Variants in GRIP1 observed in about 807,000 individuals in gnomAD.
The protein encoded by GRIP1 is glutamate receptor-interacting protein 1.
GRIP1 carries 45 observed loss-of-function variants against 129.9 expected under a neutral mutation model. The ratio of observed to expected loss-of-function variants is 0.35; its 90% CI spans 0.27 to 0.44. The LOEUF (loss-of-function observed/expected upper bound fraction) is 0.44. Ranked by LOEUF, GRIP1 falls within the 20% of genes least tolerant of loss-of-function variation. The pLI, the probability that GRIP1 is intolerant of heterozygous loss-of-function variation, is 1.00. For synonymous variants in GRIP1, 530 were observed against 520.8 expected, an observed-to-expected ratio of 1.02 and a Z score of -0.24; for missense variants, 1,196 against 1,396.8, an observed-to-expected ratio of 0.86 and a Z score of 2.29.
chr12:66,664,809 T>C (rs1207028504), intron 1 of GRIP1, among the ~76,000 whole-genome samples: 3 of 152,174 alleles, frequency 2.0e-5, no homozygotes, highest in Non-Finnish European at 4.4e-5. Flanking sequence ...AATGTTAATA[T>C]TACTTTTAAT....
intron 1 of GRIP1, among the ~76,000 whole-genome samples, chr12:66,623,246 C>G (rs1055873500): frequency 6.6e-6 from 1 of 152,138 alleles, no homozygotes; most frequent in Non-Finnish European, 1.5e-5. Flanking sequence ...CTTCAATGAA[C>G]TTTATTTCAT....
At chr12:66,351,866 G>A (rs545868881) in intron 24 of GRIP1, among the ~76,000 whole-genome samples, 23 of 152,238 alleles carry the variant, frequency 1.5e-4, no homozygotes, top group Admixed American at 1.4e-3. Flanking sequence ...TAGAGTCGCT[G>A]GTTTAATTGG....
intron 1 of GRIP1, among the ~76,000 whole-genome samples, chr12:66,986,426 C>T (rs1390895960): frequency 2.0e-5 from 3 of 150,446 alleles, no homozygotes; most frequent in Non-Finnish European, 3.0e-5. Context: ...TTGGAACCAA[C>T]CCAAATGTCC....
At chr12:66,907,622 T>C (rs1264859488) in intron 1 of GRIP1, among the ~76,000 whole-genome samples, 2 of 152,032 alleles carry the variant, frequency 1.3e-5, no homozygotes, top group African/African-American at 4.8e-5. Context: ...GGGGTCAGCA[T>C]TCCAAAGACA....
intron 2 of GRIP1, among the ~76,000 whole-genome samples, chr12:66,588,797 C>A (rs904478011): frequency 6.6e-6 from 1 of 151,652 alleles, no homozygotes. Context: ...AATGAAACCC[C>A]ATCTCTACTA....
intron 2 of GRIP1, among the ~76,000 whole-genome samples, chr12:66,566,696 T>C (rs866717837): frequency 9.8e-5 from 15 of 152,306 alleles, no homozygotes; most frequent in African/African-American, 3.4e-4. Flanking sequence ...TCAGAAGGAA[T>C]GGTACCAGCT....
intron 7 of GRIP1, among the ~76,000 whole-genome samples, chr12:66,468,679 G>GTTT (rs35563749): frequency 0.02 from 2,999 of 149,226 alleles, 82 homozygotes; most frequent in East Asian, 0.12. Context: ...CCTTAAGTTA[G>GTTT]TTTTTTTTTT....
At chr12:66,852,042 A>C (rs12230393) in intron 1 of GRIP1, among the ~76,000 whole-genome samples, 14,002 of 152,040 alleles carry the variant, frequency 0.092, 710 homozygotes, top group South Asian at 0.18. Flanking sequence ...TGATGGGATA[A>C]AATTTCAATT....
intron 1 of GRIP1, among the ~76,000 whole-genome samples, chr12:66,950,016 T>A (rs887895991): frequency 3.9e-5 from 6 of 152,220 alleles, no homozygotes; most frequent in Non-Finnish European, 8.8e-5. Flanking sequence ...GACCTCGTGA[T>A]CCACCCATTT....
chr12:66,946,268 TCAGTTCTCTC>T (rs2041666715), intron 1 of GRIP1, among the ~76,000 whole-genome samples: 1 of 152,190 alleles, frequency 6.6e-6, no homozygotes, highest in South Asian at 2.1e-4. Flanking sequence ...TTAGGGCAAT[TCAGTTCTCTC>T]CAGGCCTGTC....
chr12:67,047,749 C>T (rs1397132303), intron 1 of GRIP1, among the ~76,000 whole-genome samples: 1 of 151,646 alleles, frequency 6.6e-6, no homozygotes, highest in Non-Finnish European at 1.5e-5. Flanking sequence ...TGTGGAAAAG[C>T]TTTTTCAGTA....
intron 2 of GRIP1, among the ~76,000 whole-genome samples, chr12:66,579,242 C>A (rs2063273808): frequency 6.6e-6 from 1 of 152,118 alleles, no homozygotes; most frequent in South Asian, 2.1e-4. Context: ...AGGACATCCA[C>A]ACCAAAAACC....
chr12:66,738,368 C>T (rs1393621444), intron 1 of GRIP1, among the ~76,000 whole-genome samples: 1 of 151,734 alleles, frequency 6.6e-6, no homozygotes, highest in African/African-American at 2.4e-5. Context: ...CACAGGTACC[C>T]GCCACCACGC....
intron 1 of GRIP1, among the ~76,000 whole-genome samples, chr12:66,915,561 C>T (rs766863099): frequency 1.3e-5 from 2 of 152,168 alleles, no homozygotes; most frequent in Non-Finnish European, 2.9e-5. Flanking sequence ...AGCAGAGTGA[C>T]GGAATCGACA....
At chr12:66,877,194 A>G (rs939216150) in intron 1 of GRIP1, among the ~76,000 whole-genome samples, 1 of 152,074 alleles carries the variant, frequency 6.6e-6, no homozygotes, top group Non-Finnish European at 1.5e-5. Context: ...CCCATTCATG[A>G]TGATTCTACA....
At chr12:66,805,265 T>C (rs576433152), upstream of GRIP1, among the ~76,000 whole-genome samples, 4 of 152,200 alleles carry the variant, frequency 2.6e-5, no homozygotes, top group Non-Finnish European at 5.9e-5. Context: ...TGTTCATCCT[T>C]TATCTCTAAA....
chr12:66,661,869 T>C (rs1244295506), intron 1 of GRIP1, among the ~76,000 whole-genome samples: 1 of 152,156 alleles, frequency 6.6e-6, no homozygotes, highest in African/African-American at 2.4e-5. Flanking sequence ...CCAGAAGTCT[T>C]TGGCACTTAA....
chr12:66,461,134 A>G (rs1045699227), intron 9 of GRIP1, among the ~76,000 whole-genome samples: 1 of 152,246 alleles, frequency 6.6e-6, no homozygotes, highest in South Asian at 2.1e-4. Context: ...TAGTGTATAA[A>G]TTAAACTCAA....
intron 1 of GRIP1, among the ~76,000 whole-genome samples, chr12:66,657,442 TTA>T (rs2033230606): frequency 6.6e-6 from 1 of 152,158 alleles, no homozygotes; most frequent in South Asian, 2.1e-4. Context: ...CTGGCTGGCT[TTA>T]TGTCTCAAGT....
Sources: allele counts gnomAD v4.1 joint callset (sites outside exome capture counted in the v4.1 genomes callset), GRCh38; gene constraint gnomAD v4.1.1; transcripts MANE v1.5; gene names NCBI Gene and HGNC (gene_info 2026-07-23, HGNC 2026-07-21).